Variants in GALNTL6 observed in about 807,000 individuals in gnomAD.
GALNTL6 encodes the protein polypeptide N-acetylgalactosaminyltransferase-like 6.
In GALNTL6, 46 loss-of-function variants were observed where a neutral mutation model predicts 73.7. The observed-to-expected ratio is 0.62, with a 90% CI of 0.49 to 0.80. The LOEUF (loss-of-function observed/expected upper bound fraction) is 0.80, where lower values mean the gene tolerates loss of function less well. GALNTL6 is among the 30% of genes least tolerant of loss of function. The pLI, the probability that GALNTL6 is intolerant of heterozygous loss-of-function variation, is 0.00. For missense variants in GALNTL6, 604 were observed against 755.0 expected (o/e 0.80, Z 2.34); for synonymous variants, 259 against 263.7 (o/e 0.98, Z 0.17).
rs5864173 is a variant in GALNTL6, at chr4:172,871,611, A to AGTGTGTGTGT, written c.924-11154_924-11145dup. Among the ~76,000 whole-genome samples the AGTGTGTGTGT allele has an allele frequency of 9.7e-4, 133 of 137,606 alleles. 1 individual carries two copies. The highest frequency in any genetic ancestry group is 3.2e-3 in the African/African-American group (121 of 37,356). The allele number at this position is 137,606 out of a possible 152,430, so 90.3% of individuals were successfully genotyped here. ...TCTGGGGGGGGTGTGTGTGTGTGAG[A>AGTGTGTGTGT]GTGTGTGTGTGTGTGTGTGTGTGTG... On this transcript the variant is annotated intron_variant, in intron 7 of 12. Coordinates refer to ENST00000506823, the MANE Select transcript of GALNTL6 (RefSeq NM_001034845.3).
At chr4:172,688,728 C>T (rs1161480424) in intron 5 of GALNTL6, among the ~76,000 whole-genome samples, 1 of 152,186 alleles carries the variant, frequency 6.6e-6, no homozygotes, top group Non-Finnish European at 1.5e-5. Context: ...ATGGAAATGG[C>T]TCTCCCCAGT....
In GALNTL6 at chr4:172,552,564, C is replaced by A. The variant is rs187154891; in HGVS notation, c.553+203875C>A. On this transcript the variant is annotated intron_variant, in intron 5 of 12. Transcript: ENST00000506823. Reference sequence around the variant, plus strand: ...AAGTCCAAATTTCGTGATTGTTTTGCTTGTTTGTTTAATAGCAAACATTGA... The same window carrying A: ...AAGTCCAAATTTCGTGATTGTTTTGATTGTTTGTTTAATAGCAAACATTGA... 2.3e-3 allele frequency among the ~76,000 whole-genome samples: 348 copies of A among 152,038 alleles called. 3 individuals carry two copies. The highest frequency in any genetic ancestry group is 7.9e-3 in the African/African-American group (329 of 41,512).
intron 5 of GALNTL6, chr4:172,425,236 C>G (rs1466370437): frequency 6.6e-6 from 1 of 152,004 alleles, no homozygotes. Context: ...TGGCACAAAT[C>G]ACACAAAGGT....
chr4:172,637,626 A>G (rs1348575635), intron 5 of GALNTL6, among the ~76,000 whole-genome samples: 2 of 152,188 alleles, frequency 1.3e-5, no homozygotes, highest in African/African-American at 4.8e-5. Context: ...ACAACACAAT[A>G]AATTCTACAA....
At chr4:172,758,177 C>T (rs1406964000) in intron 5 of GALNTL6, among the ~76,000 whole-genome samples, 1 of 152,164 alleles carries the variant, frequency 6.6e-6, no homozygotes, top group Non-Finnish European at 1.5e-5. Flanking sequence ...GTATTGTATA[C>T]ATGTTTTAAT....
chr4:172,635,217 G>A (rs1446465753), intron 5 of GALNTL6, among the ~76,000 whole-genome samples: 2 of 152,070 alleles, frequency 1.3e-5, no homozygotes, highest in East Asian at 1.9e-4. Context: ...TTTGAGTTAA[G>A]TATCTGCTTG....
intron 5 of GALNTL6, among the ~76,000 whole-genome samples, chr4:172,698,476 T>C (rs927339850): frequency 1.2e-4 from 19 of 152,286 alleles, no homozygotes; most frequent in African/African-American, 4.3e-4. Flanking sequence ...AGGCTTCCTC[T>C]TGTGGGCTTT....
intron 2 of GALNTL6, among the ~76,000 whole-genome samples, chr4:172,040,335 T>C (rs1452022173): frequency 6.6e-6 from 1 of 152,122 alleles, no homozygotes; most frequent in East Asian, 1.9e-4. Flanking sequence ...TTTGTTCTTA[T>C]TTTTTTCTCA....
intron 3 of GALNTL6, among the ~76,000 whole-genome samples, chr4:172,249,261 G>A (rs565632510): frequency 6.6e-6 from 1 of 152,336 alleles, no homozygotes; most frequent in East Asian, 1.9e-4. Context: ...GATACTGGCA[G>A]CATTTGGCCC....
At chr4:172,207,934 T>A (rs1736196090) in intron 2 of GALNTL6, among the ~76,000 whole-genome samples, 1 of 152,256 alleles carries the variant, frequency 6.6e-6, no homozygotes, top group Non-Finnish European at 1.5e-5. Flanking sequence ...TTGTAGAATC[T>A]TTCCTGTACT....
chr4:172,090,929 C>G (rs1732184880), intron 2 of GALNTL6, among the ~76,000 whole-genome samples: 1 of 152,094 alleles, frequency 6.6e-6, no homozygotes, highest in South Asian at 2.1e-4. Flanking sequence ...CCAGTTTTCC[C>G]CAACACCATT....
At chr4:172,378,182 T>C (rs1410941074) in intron 5 of GALNTL6, among the ~76,000 whole-genome samples, 2 of 152,224 alleles carry the variant, frequency 1.3e-5, no homozygotes, top group Non-Finnish European at 2.9e-5. Context: ...TACAGAGTTC[T>C]AATATTGAAG....
intron 5 of GALNTL6, among the ~76,000 whole-genome samples, chr4:172,776,687 G>A (rs549880012): frequency 1.2e-3 from 178 of 152,270 alleles, no homozygotes; most frequent in African/African-American, 4.2e-3. Flanking sequence ...AAAATGTCAC[G>A]CAAGAGAAAT....
intron 5 of GALNTL6, among the ~76,000 whole-genome samples, chr4:172,537,193 C>T (rs945800924): frequency 6.6e-5 from 10 of 152,092 alleles, no homozygotes; most frequent in African/African-American, 9.7e-5. Context: ...TGGGAAGGCA[C>T]GATTGTGTTT....
intron 2 of GALNTL6, among the ~76,000 whole-genome samples, chr4:172,116,500 G>C (rs1035985949): frequency 6.6e-6 from 1 of 151,960 alleles, no homozygotes; most frequent in Non-Finnish European, 1.5e-5. Context: ...CAAACTCCTC[G>C]TCTCAGTGAT....
chr4:172,429,953 TCAAA>T (rs1377224415), intron 5 of GALNTL6, among the ~76,000 whole-genome samples: 2 of 152,106 alleles, frequency 1.3e-5, no homozygotes, highest in Non-Finnish European at 2.9e-5. Flanking sequence ...CCTAACTGCT[TCAAA>T]CAGTTTTCTC....
chr4:171,977,832 C>T (rs7659496), intron 2 of GALNTL6, among the ~76,000 whole-genome samples: 12,491 of 152,138 alleles, frequency 0.082, 1,420 homozygotes, highest in African/African-American at 0.26. Flanking sequence ...ATTGCTCTTA[C>T]GATGTATTTC....
chr4:171,902,497 C>G (rs1344065277), intron 2 of GALNTL6, among the ~76,000 whole-genome samples: 1 of 152,076 alleles, frequency 6.6e-6, no homozygotes, highest in East Asian at 1.9e-4. Flanking sequence ...ACTCTGAAAG[C>G]AAGGAGAATC....
intron 2 of GALNTL6, among the ~76,000 whole-genome samples, chr4:172,193,722 G>C (rs1056931765): frequency 1.3e-5 from 2 of 152,104 alleles, no homozygotes; most frequent in Non-Finnish European, 2.9e-5. Context: ...AATTAGCTGG[G>C]CGTGGTGGCA....
Sources: gnomAD v4.1 joint callset for allele counts (sites outside exome capture counted in the v4.1 genomes callset) on GRCh38, gnomAD v4.1.1 for gene constraint, MANE v1.5 for transcripts, NCBI Gene and HGNC (gene_info 2026-07-23, HGNC 2026-07-21) for gene names.